CCDC148: variants seen among roughly 807,000 people sequenced by gnomAD.
CCDC148 encodes the protein coiled-coil domain-containing protein 148.
CCDC148 carries 89 observed loss-of-function variants against 85.7 expected under a neutral mutation model. That is an observed-to-expected ratio of 1.04 (90% CI 0.87 to 1.24). The LOEUF (loss-of-function observed/expected upper bound fraction) is 1.24, where lower values mean the gene tolerates loss of function less well. Ranked by LOEUF, CCDC148 falls within the 50% of genes most tolerant of loss-of-function variation. The pLI is 0.00. For missense variants in CCDC148, 692 were observed against 671.7 expected, an observed-to-expected ratio of 1.03 and a Z score of -0.33; for synonymous variants, 230 against 213.9, an observed-to-expected ratio of 1.08 and a Z score of -0.66.
At chr2:158,214,512 TA>T (rs1242215548) in intron 11 of CCDC148, among the ~76,000 whole-genome samples, 1 of 152,022 alleles carries the variant, frequency 6.6e-6, no homozygotes, top group East Asian at 1.9e-4. Flanking sequence ...GAAAATAAAA[TA>T]ACTAAAGCTT....
chr2:158,256,084 A>C (rs944705969), intron 9 of CCDC148, among the ~76,000 whole-genome samples: 9 of 151,878 alleles, frequency 5.9e-5, no homozygotes, highest in African/African-American at 2.2e-4. Context: ...TAATAGAAAA[A>C]CAAAAATGAA....
At chr2:158,288,519 G>A (rs1690737840) in intron 9 of CCDC148, 1 of 153,538 alleles carries the variant, frequency 6.5e-6, no homozygotes, top group Non-Finnish European at 1.4e-5. Flanking sequence ...TCTAGGGCAG[G>A]GGCAAAAAGA....
intron 11 of CCDC148, among the ~76,000 whole-genome samples, chr2:158,215,060 T>C (rs941346720): frequency 3.9e-5 from 6 of 152,156 alleles, no homozygotes; most frequent in Admixed American, 2.0e-4. Context: ...ACACTATCAA[T>C]GTAGAACTAT....
At chr2:158,308,855 C>G (rs192659041) in intron 9 of CCDC148, among the ~76,000 whole-genome samples, 1 of 152,156 alleles carries the variant, frequency 6.6e-6, no homozygotes, top group Non-Finnish European at 1.5e-5. Context: ...TGCTCCAGTC[C>G]TCAATCCTTC....
chr2:158,213,404 GA>G (rs1686681080), intron 11 of CCDC148, among the ~76,000 whole-genome samples: 1 of 152,106 alleles, frequency 6.6e-6, no homozygotes, highest in African/African-American at 2.4e-5. Context: ...TAAATTATAA[GA>G]AACAGCAATG....
In CCDC148 at chr2:158,311,892, C is replaced by T. The variant is rs571476217; in HGVS notation, c.903+1864G>A. On this transcript the variant is annotated intron_variant, in intron 8 of 13. Coordinates refer to ENST00000283233, the MANE Select transcript of CCDC148 (RefSeq NM_138803.4). ...GCTCCTTTTGGCAGTGAATCTCATC[C>T]ATGGGAATTAGCAGTCTTGAGGGAA... 1.8e-4 allele frequency among the ~76,000 whole-genome samples: 28 copies of T among 152,232 alleles called. 1 individual carries two copies. In the South Asian group the frequency reaches 4.1e-3, roughly 23 times the overall value.
chr2:158,386,445 T>C (rs557857700), intron 1 of CCDC148, among the ~76,000 whole-genome samples: 9 of 152,158 alleles, frequency 5.9e-5, no homozygotes, highest in Non-Finnish European at 1.3e-4. Context: ...TCCCGGTACA[T>C]GAAGGCAAAT....
chr2:158,451,107 G>A (rs1688388224), intron 1 of CCDC148, among the ~76,000 whole-genome samples: 1 of 151,836 alleles, frequency 6.6e-6, no homozygotes, highest in Non-Finnish European at 1.5e-5. Context: ...TTTTTAAATT[G>A]TTATATTTTT....
Position 158,313,795 on chromosome 2 carries a change from C to T in CCDC148, c.864G>A (p.Met288Ile), listed in dbSNP as rs368173329. 41 of 1,613,848 alleles carry T rather than the reference C, an allele frequency of 2.5e-5. No homozygotes were observed. The African/African-American group carries it at 4.9e-4, about 19-fold the overall frequency. The change falls in exon 8 of 14, where the codon ATG becomes ATA. Residue 288 changes from methionine to isoleucine, a missense_variant. Met to Ile is a conservative substitution (Grantham distance 10). Coordinates refer to ENST00000283233, the MANE Select transcript of CCDC148 (RefSeq NM_138803.4). ...ATTTGTGAGGAAAATATCTTTGTAA[C>T]ATGTCCAGATACAGAGTCCTTCTTC... ...LFGRRTLYLD[M>I]LQRYFPHKSR...
chr2:158,245,238 A>T (rs1688521397), intron 10 of CCDC148, among the ~76,000 whole-genome samples: 1 of 152,158 alleles, frequency 6.6e-6, no homozygotes, highest in South Asian at 2.1e-4. Flanking sequence ...TCTGCAGGAA[A>T]CATGTAATTT....
At chr2:158,343,434 C>T (rs186397048) in intron 3 of CCDC148, among the ~76,000 whole-genome samples, 116 of 152,176 alleles carry the variant, frequency 7.6e-4, no homozygotes, top group Non-Finnish European at 1.1e-3. Flanking sequence ...TTTGTAGGGT[C>T]GTTGTAAATA....
rs547902299 is a variant in CCDC148, at chr2:158,390,105, G to A, written c.26-31535C>T. 2.6e-4 allele frequency among the ~76,000 whole-genome samples: 40 copies of A among 152,256 alleles called. 1 individual carries two copies. The highest frequency in any genetic ancestry group is 8.3e-4 in the South Asian group (4 of 4,822). On this transcript the variant is annotated intron_variant, in intron 1 of 13. Coordinates refer to ENST00000283233, the MANE Select transcript of CCDC148 (RefSeq NM_138803.4). ...ACCCTATATGCTGCTTAGGACTACA[G>A]TAGATATAAAATAACTGCCTTTTGT... is the stretch of plus-strand genomic sequence containing the variant.
intron 1 of CCDC148, among the ~76,000 whole-genome samples, chr2:158,451,183 G>A (rs1044107849): frequency 1.3e-5 from 2 of 150,988 alleles, no homozygotes; most frequent in African/African-American, 4.8e-5. Flanking sequence ...CATATTTGTT[G>A]AGTCATTTCA....
intron 1 of CCDC148, 26 bp from the exon 2 acceptor site, chr2:158,358,596 G>C: frequency 6.8e-7 from 1 of 1,462,932 alleles, no homozygotes; most frequent in African/African-American, 1.4e-5. Flanking sequence ...ATAGAAAAAT[G>C]ACAAAGAAAG....
chr2:158,333,165 T>C (rs1693235463), intron 7 of CCDC148, among the ~76,000 whole-genome samples: 1 of 152,204 alleles, frequency 6.6e-6, no homozygotes, highest in Admixed American at 6.5e-5. Flanking sequence ...TTTAGTGCTA[T>C]AAATTTCCCT....
intron 1 of CCDC148, among the ~76,000 whole-genome samples, chr2:158,437,524 C>A (rs1022361731): frequency 1.3e-5 from 2 of 152,158 alleles, no homozygotes; most frequent in South Asian, 4.1e-4. Context: ...CAATATCATA[C>A]TGAATGGGCA....
intron 9 of CCDC148, among the ~76,000 whole-genome samples, chr2:158,277,599 GT>G (rs1166929426): frequency 2.0e-5 from 3 of 150,556 alleles, no homozygotes; most frequent in Admixed American, 1.3e-4. Context: ...ATGTTTTTTT[GT>G]TTTTTTTTGT....
intron 9 of CCDC148, among the ~76,000 whole-genome samples, chr2:158,295,847 T>C (rs1356777418): frequency 6.6e-6 from 1 of 151,674 alleles, no homozygotes; most frequent in African/African-American, 2.4e-5. Flanking sequence ...GCACTCCTAT[T>C]CAACATAGTG....
chr2:158,262,880 T>C (rs916776410), intron 9 of CCDC148, among the ~76,000 whole-genome samples: 1 of 151,864 alleles, frequency 6.6e-6, no homozygotes, highest in Non-Finnish European at 1.5e-5. Context: ...TTAAAAATAA[T>C]AGTAATAAAA....
Sources: gnomAD v4.1 joint callset for allele counts (sites outside exome capture counted in the v4.1 genomes callset) on GRCh38, gnomAD v4.1.1 for gene constraint, MANE v1.5 for transcripts, NCBI Gene and HGNC (gene_info 2026-07-23, HGNC 2026-07-21) for gene names.